The following HCN1 variants were observed in gnomAD, a reference collection of about 807,000 sequenced individuals.
HCN1 encodes potassium/sodium hyperpolarization-activated cyclic nucleotide-gated channel 1.
HCN1 carries 13 observed loss-of-function variants against 78.9 expected under a neutral mutation model. The observed-to-expected ratio is 0.16, with a 90% CI of 0.11 to 0.26. The LOEUF (loss-of-function observed/expected upper bound fraction) is 0.26, where lower values mean the gene tolerates loss of function less well. HCN1 is among the 10% of genes least tolerant of loss of function. HCN1 has a pLI of 1.00. For synonymous variants in HCN1, 552 were observed against 455.5 expected, an observed-to-expected ratio of 1.21 and a Z score of -2.70; for missense variants, 810 against 1,154.3, an observed-to-expected ratio of 0.70 and a Z score of 4.32.
At chr5:45,609,412 A>AT (rs1262044693) in intron 2 of HCN1, among the ~76,000 whole-genome samples, 2 of 152,056 alleles carry the variant, frequency 1.3e-5, no homozygotes, top group Admixed American at 1.3e-4. Context: ...CAACTGTTGC[A>AT]TTTTTTCCCT....
intron 4 of HCN1, among the ~76,000 whole-genome samples, chr5:45,370,355 C>T (rs545858302): frequency 1.3e-5 from 2 of 151,870 alleles, no homozygotes; most frequent in East Asian, 3.9e-4. Flanking sequence ...AAATAATGTC[C>T]CATTACATTA....
At chr5:45,303,870 G>C (rs775406682) in intron 5 of HCN1, 31 bp from the exon 6 acceptor site, 3 of 1,583,666 alleles carry the variant, frequency 1.9e-6, no homozygotes, top group Non-Finnish European at 1.7e-6. Flanking sequence ...CAAATATTAA[G>C]AGAGATATTA....
intron 6 of HCN1, among the ~76,000 whole-genome samples, chr5:45,287,874 T>TG (rs1745299630): frequency 6.6e-6 from 1 of 152,086 alleles, no homozygotes; most frequent in Non-Finnish European, 1.5e-5. Context: ...ATCTACTGCT[T>TG]TATACTACAC....
intron 6 of HCN1, among the ~76,000 whole-genome samples, chr5:45,300,825 G>T (rs1017005990): frequency 6.6e-6 from 1 of 151,944 alleles, no homozygotes; most frequent in African/African-American, 2.4e-5. Flanking sequence ...TCTAAAGCAG[G>T]CCCTGTTAGA....
At chr5:45,620,238 C>T (rs1745029779) in intron 2 of HCN1, among the ~76,000 whole-genome samples, 1 of 151,926 alleles carries the variant, frequency 6.6e-6, no homozygotes, top group Non-Finnish European at 1.5e-5. Context: ...ATGTGGTATG[C>T]ATATTTAATC....
intron 2 of HCN1, among the ~76,000 whole-genome samples, chr5:45,612,850 C>A (rs1327891560): frequency 6.6e-6 from 1 of 151,998 alleles, no homozygotes; most frequent in African/African-American, 2.4e-5. Context: ...TTATTGTATT[C>A]CAGAGAAACA....
At chr5:45,300,445 T>C (rs1745588736) in intron 6 of HCN1, among the ~76,000 whole-genome samples, 1 of 152,050 alleles carries the variant, frequency 6.6e-6, no homozygotes, top group South Asian at 2.1e-4. Context: ...TTGATGATGA[T>C]CCATTTATTA....
chr5:45,430,043 C>T (rs1463175371), intron 3 of HCN1, among the ~76,000 whole-genome samples: 1 of 151,686 alleles, frequency 6.6e-6, no homozygotes, highest in Non-Finnish European at 1.5e-5. Flanking sequence ...AGACTCTAGG[C>T]ATAAAGAAAT....
intron 6 of HCN1, among the ~76,000 whole-genome samples, chr5:45,276,420 G>A (rs1216615902): frequency 6.6e-6 from 1 of 152,086 alleles, no homozygotes; most frequent in East Asian, 1.9e-4. Flanking sequence ...GAAAGAATCT[G>A]CAATTCTAGC....
chr5:45,284,334 C>T (rs957425386), intron 6 of HCN1, among the ~76,000 whole-genome samples: 11 of 152,236 alleles, frequency 7.2e-5, no homozygotes, highest in African/African-American at 2.4e-4. Flanking sequence ...AGATTTTAAT[C>T]TGTAACCCTG....
intron 1 of HCN1, among the ~76,000 whole-genome samples, chr5:45,686,788 G>C (rs779868474): frequency 1.3e-5 from 2 of 152,078 alleles, no homozygotes; most frequent in African/African-American, 2.4e-5. Flanking sequence ...CTACCCTGAA[G>C]GCCTTCCTCC....
At chr5:45,498,284 T>C (rs1308757586) in intron 2 of HCN1, among the ~76,000 whole-genome samples, 1 of 152,184 alleles carries the variant, frequency 6.6e-6, no homozygotes, top group East Asian at 1.9e-4. Flanking sequence ...TTTGCTCGTT[T>C]CTTTTTATTC....
At chr5:45,380,253 C>T (rs777745750) in intron 4 of HCN1, among the ~76,000 whole-genome samples, 5 of 151,954 alleles carry the variant, frequency 3.3e-5, no homozygotes, top group Non-Finnish European at 7.4e-5. Flanking sequence ...GCAAAAAGGC[C>T]AGGCAGCTCT....
intron 2 of HCN1, among the ~76,000 whole-genome samples, chr5:45,613,563 T>C (rs1051710537): frequency 2.0e-5 from 3 of 151,904 alleles, no homozygotes; most frequent in East Asian, 1.9e-4. Context: ...TGGCGATTCC[T>C]CAGGGATCTA....
chr5:45,513,088 T>C (rs1321139670), intron 2 of HCN1, among the ~76,000 whole-genome samples: 1 of 152,104 alleles, frequency 6.6e-6, no homozygotes, highest in African/African-American at 2.4e-5. Context: ...AAGACACCCA[T>C]AGGGCGTTAA....
chr5:45,319,529 TAA>T (rs1746077842), intron 5 of HCN1, among the ~76,000 whole-genome samples: 1 of 151,862 alleles, frequency 6.6e-6, no homozygotes, highest in Admixed American at 6.6e-5. Context: ...AGGTGCCCAG[TAA>T]AGAGTTTCCC....
intron 2 of HCN1, among the ~76,000 whole-genome samples, chr5:45,637,413 C>G (rs894263819): frequency 7.2e-5 from 11 of 151,770 alleles, no homozygotes; most frequent in African/African-American, 2.4e-4. Flanking sequence ...CTAGCAAGTA[C>G]TTTAGAGCCC....
intron 2 of HCN1, among the ~76,000 whole-genome samples, chr5:45,529,670 G>A (rs1444290108): frequency 6.6e-6 from 1 of 151,840 alleles, no homozygotes; most frequent in African/African-American, 2.4e-5. Flanking sequence ...GTACCCACTT[G>A]AATTTAAAAA....
At chr5:45,434,582 T>C (rs1186141449) in intron 3 of HCN1, among the ~76,000 whole-genome samples, 4 of 152,232 alleles carry the variant, frequency 2.6e-5, no homozygotes, top group Non-Finnish European at 5.9e-5. Flanking sequence ...AAATCATCAC[T>C]ATGCAAAGCT....
Sources: allele counts gnomAD v4.1 joint callset (sites outside exome capture counted in the v4.1 genomes callset), GRCh38; gene constraint gnomAD v4.1.1; transcripts MANE v1.5; gene names NCBI Gene and HGNC (gene_info 2026-07-23, HGNC 2026-07-21).